The following NUTM2G variants were observed in gnomAD, a reference collection of about 807,000 sequenced individuals.
The protein encoded by NUTM2G is NUT family member 2G.
Under a neutral mutation model 44.3 loss-of-function variants are expected in NUTM2G, and 29 were observed. That is an observed-to-expected ratio of 0.66 (90% CI 0.49 to 0.89). NUTM2G has a LOEUF of 0.89. Ranked by LOEUF, NUTM2G falls within the 40% of genes least tolerant of loss-of-function variation. The pLI is 0.00. For synonymous variants in NUTM2G, 205 were observed against 395.9 expected (o/e 0.52, Z 5.72); for missense variants, 502 against 946.5 (o/e 0.53, Z 6.16).
chr9:96,931,945 C>A lies in NUTM2G; in HGVS notation c.240C>A (p.Asn80Lys), dbSNP rs754218982. ...GRGPSGAGAS[N>K]VFVQMRTEVG... ...GCCCAAGTGGGGCTGGGGCTTCCAA[C>A]GTCTTTGTCCAGATGAGGACAGAAG... The change falls in exon 2 of 7, where the codon AAC becomes AAA. Residue 80 changes from asparagine (N) to lysine (K), a missense_variant. By Grantham distance (94) the Asn-to-Lys change is moderately conservative. Transcript: ENST00000372322. 3 of 1,611,948 alleles carry A rather than the reference C, an allele frequency of 1.9e-6. No homozygotes were observed. Among genetic ancestry groups the A allele is most frequent in the Non-Finnish European group, 2.5e-6 (3 of 1,179,826 alleles).
Position 96,929,141 on chromosome 9 carries a change from T to C in NUTM2G, c.16+101T>C, listed in dbSNP as rs536612638. Reference sequence around the variant, plus strand: ...CTGGGGACAGCTTATAGGGCTGATGTTGAGGGAGCACTGGATGTCCCCAAG... The same window carrying C: ...CTGGGGACAGCTTATAGGGCTGATGCTGAGGGAGCACTGGATGTCCCCAAG... On this transcript the variant is annotated intron_variant, in intron 1 of 6. Transcript: ENST00000372322. 4.4e-5 allele frequency: 69 copies of C among 1,576,744 alleles called. No individual in the cohort carries two copies. The African/African-American group carries it at 8.6e-4, about 20-fold the overall frequency.
At chr9:96,931,647 A>C (rs1826245767) in intron 1 of NUTM2G, 75 bp from the exon 2 acceptor site, 1 of 1,557,398 alleles carries the variant, frequency 6.4e-7, no homozygotes, top group Non-Finnish European at 8.7e-7. Context: ...AGCTGTTGGG[A>C]CTCCCCTGAT....
chr9:96,936,795 C>G (rs1401704295), intron 4 of NUTM2G, among the ~76,000 whole-genome samples: 2 of 152,220 alleles, frequency 1.3e-5, no homozygotes. Context: ...TCTCTCTCCC[C>G]TTGCCTGTCC....
At position 96,937,969 on chromosome 9, in the gene NUTM2G, C is replaced by G. The variant is rs369831054; in HGVS notation, c.1408C>G (p.Leu470Val). Residue 470 changes from leucine (L) to valine (V), a missense_variant, in exon 6 of 7, where the codon CTG becomes GTG. Physicochemically the swap from Leu to Val is conservative, Grantham distance 32. Coordinates refer to ENST00000372322, the MANE Select transcript of NUTM2G (RefSeq NM_001170741.3). ...GGATTTCTTGGCCCTAAGCCAGGAGCTGGAGCAGGAGGAAGGACTCACCCT... is the reference window on the plus strand; with the variant it reads ...GGATTTCTTGGCCCTAAGCCAGGAGGTGGAGCAGGAGGAAGGACTCACCCT... ...QMDFLALSQE[L>V]EQEEGLTLAQ... The G allele has an allele frequency of 5.0e-6, 8 of 1,612,152 alleles. No homozygotes were observed. Among genetic ancestry groups the G allele is most frequent in the Non-Finnish European group, 6.8e-6 (8 of 1,179,834 alleles).
Position 96,935,454 on chromosome 9 carries a change from A to T in NUTM2G, c.840A>T (p.Ala280=). ...GGATGATTTTCTACGAGATGGCGGC[A>T]AAGTGAGTCTGGGGTCCTGGGGGCA... The part of the protein sequence containing the change: ...FDRMIFYEMA[A]KFLEFEAEEE... Residue 280 remains alanine, a splice_region_variant and synonymous_variant, in exon 3 of 7, where the codon GCA becomes GCT. Coordinates refer to ENST00000372322, the MANE Select transcript of NUTM2G (RefSeq NM_001170741.3). The T allele has an allele frequency of 6.2e-7, 1 of 1,612,060 alleles. No homozygotes were observed. The highest frequency in any genetic ancestry group is 1.3e-5 in the African/African-American group (1 of 74,988).
intron 6 of NUTM2G, 142 bp downstream of exon 6, chr9:96,938,143 T>C (rs1826502759): frequency 4.5e-6 from 3 of 671,534 alleles, no homozygotes; most frequent in Non-Finnish European, 5.2e-6. Flanking sequence ...AAGATGCAGG[T>C]TCAGAGGGAG....
chr9:96,942,064 C>T (rs559557014), downstream of NUTM2G, among the ~76,000 whole-genome samples: 110 of 151,922 alleles, frequency 7.2e-4, 2 homozygotes, highest in African/African-American at 2.4e-3. Context: ...GCAGTTGGGG[C>T]GGCCCCGGGC....
Position 96,936,538 on chromosome 9 carries a change from C to T in NUTM2G, c.956C>T (p.Pro319Leu), listed in dbSNP as rs1366672420. The change falls in exon 4 of 7, where the codon CCT (proline) becomes CTT (leucine). Residue 319 changes from proline to leucine, a missense_variant. Transcript: ENST00000372322. ...CCGAGGCTTGAACCTCGAGGACCCC[C>T]TGCCCCTGAGGTGGTCAAGCAGCCA... ...APPRLEPRGP[P>L]APEVVKQPVY... 1.3e-6 allele frequency: 2 copies of T among 1,554,452 alleles called. No homozygotes were observed. Among genetic ancestry groups the T allele is most frequent in the Non-Finnish European group, 1.7e-6 (2 of 1,157,924 alleles).
Position 96,937,420 on chromosome 9 carries a change from G to A in NUTM2G, c.1323+16G>A, listed in dbSNP as rs756861650. ...TGTCACCAAGGTGGGCTTGCCTGGA[G>A]TGCTGTGGTCTGTAGGATTCCAGGG... On this transcript the variant is annotated intron_variant, in intron 5 of 6. Transcript: ENST00000372322. The A allele has an allele frequency of 1.3e-5, 21 of 1,609,942 alleles. No homozygotes were observed. Among genetic ancestry groups the A allele is most frequent in the Non-Finnish European group, 1.8e-5 (21 of 1,177,960 alleles).
chr9:96,937,542 GTGTGTCTGTGTGTTGCTGTGTGTT>G (rs1052378393), intron 5 of NUTM2G, 138 bp downstream of exon 5: 232 of 775,442 alleles, frequency 3.0e-4, no homozygotes, highest in Non-Finnish European at 4.5e-4. Context: ...ATGTGACTGT[GTGTGTCTGTGTGTTGCTGTGTGTT>G]TGTGTCTGTG....
intron 4 of NUTM2G, 97 bp from the exon 5 acceptor site, chr9:96,936,965 TGG>T: frequency 7.3e-7 from 1 of 1,363,470 alleles, no homozygotes; most frequent in Non-Finnish European, 9.9e-7. Flanking sequence ...CTGACCCAGC[TGG>T]GACCCACTTC....
chr9:96,931,818 C>A lies in NUTM2G; in HGVS notation c.113C>A (p.Thr38Lys), dbSNP rs749828136. The change falls in exon 2 of 7, where the codon ACA becomes AAA. Residue 38 changes from threonine (T) to lysine (K), a missense_variant. Transcript: ENST00000372322. ...TTTGCCACACCCTCTCCCGGCCCAA[C>A]ACACAGGCCGCCCCTCGTGACTGCA... is the stretch of plus-strand genomic sequence containing the variant. ...LPFATPSPGP[T>K]HRPPLVTAVV... The A allele has an allele frequency of 1.9e-6, 3 of 1,612,210 alleles. No individual in the cohort carries two copies. The South Asian group carries it at 3.3e-5, about 18-fold the overall frequency.
At chr9:96,930,877 T>G (rs1588198748) in intron 1 of NUTM2G, among the ~76,000 whole-genome samples, 3 of 55,296 alleles carry the variant, frequency 5.4e-5, no homozygotes, top group East Asian at 8.6e-4. Flanking sequence ...CAGTGGTTTT[T>G]TTTTTTTTTT....
At chr9:96,941,086 G>A (rs139358869), downstream of NUTM2G, among the ~76,000 whole-genome samples, 1,086 of 149,922 alleles carry the variant, frequency 7.2e-3, 2 homozygotes, top group African/African-American at 0.026. Flanking sequence ...TAAGTGAGCC[G>A]TGTTTGAAGG....
At chr9:96,935,252 A>G in intron 2 of NUTM2G, 76 bp from the exon 3 acceptor site, 7 of 1,598,232 alleles carry the variant, frequency 4.4e-6, no homozygotes, top group Non-Finnish European at 5.1e-6. Flanking sequence ...GGAGGACAGG[A>G]GCCAGGTGTT....
chr9:96,940,508 G>T (rs1826566216), downstream of NUTM2G, among the ~76,000 whole-genome samples: 1 of 150,176 alleles, frequency 6.7e-6, no homozygotes, highest in African/African-American at 2.5e-5. Context: ...CAGAATCTCA[G>T]ATCCCAGCAT....
chr9:96,937,230 TGTGGACATCATGGAG>T lies in NUTM2G; in HGVS notation c.1151_1165del (p.Val384_Glu388del), dbSNP rs1826462770. The T allele has an allele frequency of 6.2e-7, 1 of 1,612,958 alleles. No individual in the cohort carries two copies. The highest frequency in any genetic ancestry group is 1.7e-5 in the Admixed American group (1 of 59,986). On this transcript the variant is annotated inframe_deletion, in exon 5 of 7. Coordinates refer to ENST00000372322, the MANE Select transcript of NUTM2G (RefSeq NM_001170741.3). Reference sequence around the variant, plus strand: ...TCCCCCCTGAAGTGGTGCAGGAGTATGTGGACATCATGGAGGAGCTGCTGGGGTCTCACCCTGGGG... The same window carrying T: ...TCCCCCCTGAAGTGGTGCAGGAGTATGAGCTGCTGGGGTCTCACCCTGGGG...
At position 96,938,646 on chromosome 9, in the gene NUTM2G, G is replaced by T. The variant is rs780451429; in HGVS notation, c.1723G>T (p.Val575Phe). Residue 575 changes from valine to phenylalanine, a missense_variant, in exon 7 of 7, where the codon GTC becomes TTC. Coordinates refer to ENST00000372322, the MANE Select transcript of NUTM2G (RefSeq NM_001170741.3). ...TCAGGACTCCCCCAGGCTGAAGGCT[G>T]TCCGGCCAACCTCTCCTCCCCAGGA... ...GCQDSPRLKA[V>F]RPTSPPQDHR... The T allele has an allele frequency of 4.3e-5, 69 of 1,602,768 alleles. 1 individual carries two copies. The highest frequency in any genetic ancestry group is 5.9e-5 in the Non-Finnish European group (69 of 1,179,450).
Position 96,935,674 on chromosome 9 carries a change from TG to T in NUTM2G, c.842+222del, listed in dbSNP as rs369392602. ...CTTGGGAAGCACCCCCTGCCTGGCC[TG>T]GGGCCAACCGCTGCCTTGACACTGG... is the stretch of plus-strand genomic sequence containing the variant. On this transcript the variant is annotated intron_variant, in intron 3 of 6. Coordinates refer to ENST00000372322, the MANE Select transcript of NUTM2G (RefSeq NM_001170741.3). Among the ~76,000 whole-genome samples, 66 of 152,256 alleles carry T rather than the reference TG, an allele frequency of 4.3e-4. 2 individuals are homozygous for T. In the East Asian group the frequency reaches 0.012, roughly 28 times the overall value.
Sources: gnomAD v4.1 joint callset for allele counts (sites outside exome capture counted in the v4.1 genomes callset) on GRCh38, gnomAD v4.1.1 for gene constraint, MANE v1.5 for transcripts, NCBI Gene and HGNC (gene_info 2026-07-23, HGNC 2026-07-21) for gene names.